The following DDX23 variants were observed in gnomAD, a reference collection of about 807,000 sequenced individuals.
DDX23 encodes the protein DEAD-box helicase 23.
DDX23 carries 33 observed loss-of-function variants against 102.7 expected under a neutral mutation model. The ratio of observed to expected loss-of-function variants is 0.32; its 90% CI spans 0.24 to 0.43. The LOEUF (loss-of-function observed/expected upper bound fraction) is 0.43. DDX23 is among the 20% of genes least tolerant of loss of function. The probability of loss-of-function intolerance (pLI) is 1.00; values close to 1 mark genes in which losing one functional copy is unlikely to be tolerated. For synonymous variants in DDX23, 352 were observed against 376.0 expected, an observed-to-expected ratio of 0.94 and a Z score of 0.74; for missense variants, 549 against 1,086.6, an observed-to-expected ratio of 0.51 and a Z score of 6.96.
At position 48,836,916 on chromosome 12, in the gene DDX23, G is replaced by A; in HGVS notation, c.988C>T (p.Leu330=). 2.5e-6 allele frequency: 4 copies of A among 1,613,740 alleles called. No individual in the cohort carries two copies. ...YGDLMEKRRT[L]EEKEQEEARL... ...CACTCCTCCTGCTCCTTTTCTTCCA[G>A]GGTTCGCCTCTTCTCCATTAGGTCT... Residue 330 remains leucine (L), a synonymous_variant, in exon 9 of 17, where the codon CTG becomes TTG. Transcript: ENST00000308025. The surrounding 1 kb of genome is among the most constrained non-coding windows in gnomAD (Gnocchi z 6.1).
In DDX23 at chr12:48,836,496, G is replaced by A. The variant is rs1938469076; in HGVS notation, c.1236+73C>T. The A allele has an allele frequency of 4.1e-6, 6 of 1,481,396 alleles. No homozygotes were observed. The highest frequency in any genetic ancestry group is 3.7e-6 in the Non-Finnish European group (4 of 1,072,898). The allele number at this position is 1,481,396 out of a possible 1,614,324, so 91.8% of individuals were successfully genotyped here. On this transcript the variant is annotated intron_variant, in intron 10 of 16. Coordinates refer to ENST00000308025, the MANE Select transcript of DDX23 (RefSeq NM_004818.3). This position sits in a 1 kb window ranked among gnomAD's most constrained non-coding sequence, Gnocchi z 6.1. The stretch of plus-strand genomic sequence containing the variant: ...AGCAGCGATGGCTCCAAATAGTCAA[G>A]GAACAAAGTTCTCTATTCCCAAACT...
At position 48,834,442 on chromosome 12, in the gene DDX23, A is replaced by G. The variant is rs753465051; in HGVS notation, c.1438T>C (p.Leu480=). 2 of 1,613,828 alleles carry G rather than the reference A, an allele frequency of 1.2e-6. No individual in the cohort carries two copies. The highest frequency in any genetic ancestry group is 4.5e-5 in the East Asian group (2 of 44,860). The part of the protein sequence containing the change: ...YAIILAPTRE[L]AQQIEEETIK... ...GTCTCTTCCTCAATCTGTTGAGCCA[A>G]CTCACGGGTGGGAGCCAGGATGATG... The change falls in exon 12 of 17, where the codon TTG becomes CTG. Residue 480 remains leucine (L), a synonymous_variant. Coordinates refer to ENST00000308025, the MANE Select transcript of DDX23 (RefSeq NM_004818.3).
intron 7 of DDX23, 33 bp downstream of exon 7, chr12:48,837,491 G>A (rs759938564): frequency 3.1e-6 from 5 of 1,613,464 alleles, no homozygotes; most frequent in Non-Finnish European, 4.2e-6. Context: ...TTTTTGTGTG[G>A]GAGAGAAGTG....
chr12:48,830,092 T>C lies in DDX23; in HGVS notation c.*377A>G. 2.5e-6 allele frequency: 1 copy of C among 406,802 alleles called. No individual in the cohort carries two copies. Among genetic ancestry groups the C allele is most frequent in the South Asian group, 1.9e-5 (1 of 52,968 alleles). 25.2% of individuals were successfully genotyped at this position (406,802 alleles called of 1,614,324 possible). On this transcript the variant is annotated 3_prime_UTR_variant, in exon 17 of 17. Transcript: ENST00000308025. This position sits in a 1 kb window ranked among gnomAD's most constrained non-coding sequence, Gnocchi z 4.9. Reference sequence around the variant, plus strand: ...AATGATGCTACTGCAGTTTATGCAGTTACACAGTCAAGTCTGTGCCAAAGG... The same window carrying C: ...AATGATGCTACTGCAGTTTATGCAGCTACACAGTCAAGTCTGTGCCAAAGG...
intron 5 of DDX23, chr12:48,839,629 G>T: frequency 1.4e-5 from 7 of 490,234 alleles, no homozygotes; most frequent in Non-Finnish European, 1.5e-5. Flanking sequence ...GGGTACATGT[G>T]TACAGAGGGA....
At chr12:48,849,768 A>C (rs1047603256) in intron 1 of DDX23, among the ~76,000 whole-genome samples, 8 of 152,152 alleles carry the variant, frequency 5.3e-5, no homozygotes, top group Non-Finnish European at 1.0e-4. Flanking sequence ...AGTGCTCAAG[A>C]GCTCATAGGC....
Position 48,837,826 on chromosome 12 carries a change from T to C in DDX23, c.619+116A>G, listed in dbSNP as rs1461979066. ...AATGTTTTCTCATAAACTCCCACCA[T>C]CCTTCCCCTTTCCAAACTCCAGAGT... On this transcript the variant is annotated intron_variant, in intron 6 of 16. Transcript: ENST00000308025. 3.2e-6 allele frequency: 5 copies of C among 1,548,706 alleles called. No individual in the cohort carries two copies. In the East Asian group the frequency reaches 6.7e-5, roughly 21 times the overall value.
rs1468382859 is a variant in DDX23, at chr12:48,832,186, C to T, written c.1956G>A (p.Arg652=). ...KVFLMSESEK[R]KKLLAILEQG... The stretch of plus-strand genomic sequence containing the variant: ...GCTCCAAGATTGCCAGCAGCTTTTT[C>T]CTGGAAGGAAGAGGAGAAAAACAAG... Residue 652 remains arginine, a splice_region_variant and synonymous_variant, in exon 15 of 17, where the codon AGG becomes AGA. Transcript: ENST00000308025. This position sits in a 1 kb window ranked among gnomAD's most constrained non-coding sequence, Gnocchi z 4.4. The T allele has an allele frequency of 6.2e-7, 1 of 1,613,968 alleles. No homozygotes were observed. The highest frequency in any genetic ancestry group is 2.2e-5 in the East Asian group (1 of 44,874).
At chr12:48,834,521 A>C (rs1280600244) in intron 11 of DDX23, 24 bp from the exon 12 acceptor site, 2 of 1,602,646 alleles carry the variant, frequency 1.2e-6, no homozygotes, top group East Asian at 4.5e-5. Context: ...GGTGCCCCAC[A>C]GCTTCGTGAG....
chr12:48,851,556 AG>A (rs1938759961), intron 1 of DDX23, among the ~76,000 whole-genome samples: 2 of 152,242 alleles, frequency 1.3e-5, no homozygotes, highest in African/African-American at 2.4e-5. Flanking sequence ...GCTCAGATGT[AG>A]TAATACAGGT....
intron 15 of DDX23, among the ~76,000 whole-genome samples, chr12:48,831,678 C>A (rs907242139): frequency 5.3e-5 from 8 of 152,018 alleles, no homozygotes; most frequent in Non-Finnish European, 8.8e-5. Flanking sequence ...AGGGACACAC[C>A]CCTCCCCTCA....
chr12:48,832,908 C>T lies in DDX23; in HGVS notation c.1804-335G>A, dbSNP rs571085697. ...TGTCAGAGGACTGTACCTAGGCACA[C>T]TTCATTCTAGAAACATGTACTCTGA... On this transcript the variant is annotated intron_variant, in intron 13 of 16. Transcript: ENST00000308025. The surrounding 1 kb of genome is among the most constrained non-coding windows in gnomAD (Gnocchi z 4.4). The T allele has an allele frequency of 1.4e-4, 64 of 448,070 alleles. No individual in the cohort carries two copies. Among genetic ancestry groups the T allele is most frequent in the African/African-American group, 1.2e-3 (62 of 50,968 alleles). The allele number at this position is 448,070 out of a possible 1,614,324, so 27.8% of individuals were successfully genotyped here. A position where few individuals can be genotyped will look rare whatever the true frequency, so the allele number is the denominator to read the frequency against.
At position 48,836,857 on chromosome 12, in the gene DDX23, T is replaced by C; in HGVS notation, c.1010+37A>G. The C allele has an allele frequency of 6.2e-7, 1 of 1,613,918 alleles. No individual in the cohort carries two copies. The highest frequency in any genetic ancestry group is 1.3e-5 in the African/African-American group (1 of 75,038). On this transcript the variant is annotated intron_variant, in intron 9 of 16. Transcript: ENST00000308025. This position sits in a 1 kb window ranked among gnomAD's most constrained non-coding sequence, Gnocchi z 6.1. ...CTCCAACTCCTTTCTGTAGAGCCTC[T>C]GGGCTCTGTCCAGCCACCCTAGCCT...
chr12:48,837,068 A>G lies in DDX23; in HGVS notation c.867-31T>C, dbSNP rs77919136. 1,394 of 1,613,054 alleles carry G rather than the reference A, an allele frequency of 8.6e-4. 11 individuals are homozygous for G. In the African/African-American group the frequency reaches 0.016, roughly 18 times the overall value. ...ATTGAGATAGAGGAAAAGAAAAAAGAAGGAGCTGTTAACGGCAGTAGGAAG... is the reference window on the plus strand; with the variant it reads ...ATTGAGATAGAGGAAAAGAAAAAAGGAGGAGCTGTTAACGGCAGTAGGAAG... On this transcript the variant is annotated intron_variant, in intron 8 of 16. Transcript: ENST00000308025.
intron 1 of DDX23, among the ~76,000 whole-genome samples, chr12:48,847,713 G>C (rs947697295): frequency 6.6e-6 from 1 of 152,138 alleles, no homozygotes; most frequent in Non-Finnish European, 1.5e-5. Context: ...CTACCCAGGA[G>C]GCTGAGGTGG....
Position 48,844,015 on chromosome 12 carries a change from T to TCCTTATCTCG in DDX23, c.235_244dup (p.Glu82AlafsTer3). On this transcript the variant is annotated stop_gained and frameshift_variant, in exon 3 of 17. Transcript: ENST00000308025. LOFTEE classifies it high-confidence loss of function. ...TCGGTCCTTCTTATTCCGATCCCGCTCCTTATCTCGTTCTCGTTCTTTGTG... is the reference window on the plus strand; with the variant it reads ...TCGGTCCTTCTTATTCCGATCCCGCTCCTTATCTCGCCTTATCTCGTTCTCGTTCTTTGTG... The TCCTTATCTCG allele has an allele frequency of 6.2e-7, 1 of 1,614,126 alleles. No homozygotes were observed. Among genetic ancestry groups the TCCTTATCTCG allele is most frequent in the Non-Finnish European group, 8.5e-7 (1 of 1,180,004 alleles).
chr12:48,834,898 C>T, intron 11 of DDX23: 1 of 168,298 alleles, frequency 5.9e-6, no homozygotes, highest in Non-Finnish European at 1.3e-5. Context: ...CACGCCACTG[C>T]ACTCCAGCCT....
chr12:48,829,875 C>G lies in DDX23; in HGVS notation c.*594G>C, dbSNP rs1246408980. 7.8e-6 allele frequency: 2 copies of G among 255,294 alleles called. No individual in the cohort carries two copies. Among genetic ancestry groups the G allele is most frequent in the African/African-American group, 4.4e-5 (2 of 45,090 alleles). The allele number at this position is 255,294 out of a possible 1,614,324, so 15.8% of individuals were successfully genotyped here. A position where few individuals can be genotyped will look rare whatever the true frequency, so the allele number is the denominator to read the frequency against. On this transcript the variant is annotated 3_prime_UTR_variant, in exon 17 of 17. Transcript: ENST00000308025. Reference sequence around the variant, plus strand: ...GACACAGCCAGTTCACCGTGTCCCCCCATCTACTTAGAAAATCCCCTGGGG... The same window carrying G: ...GACACAGCCAGTTCACCGTGTCCCCGCATCTACTTAGAAAATCCCCTGGGG...
intron 1 of DDX23, 98 bp from the exon 2 acceptor site, chr12:48,845,880 T>A: frequency 7.9e-7 from 1 of 1,264,602 alleles, no homozygotes; most frequent in Non-Finnish European, 1.1e-6. Context: ...ATGAGGTGGA[T>A]ATATTAGTAT....
Sources: gnomAD v4.1 joint callset for allele counts (sites outside exome capture counted in the v4.1 genomes callset) on GRCh38, gnomAD v4.1.1 for gene constraint, Gnocchi (gnomAD v3.1) non-coding constraint, MANE v1.5 for transcripts, NCBI Gene and HGNC (gene_info 2026-07-23, HGNC 2026-07-21) for gene names.